Variants in IRAK3 observed in about 807,000 individuals in gnomAD.
IRAK3 encodes the protein interleukin 1 receptor associated kinase 3.
Under a neutral mutation model 56.6 loss-of-function variants are expected in IRAK3, and 57 were observed. The ratio of observed to expected loss-of-function variants is 1.01; its 90% CI spans 0.81 to 1.26. IRAK3 has a LOEUF of 1.26. Among genes scored for constraint, IRAK3 ranks in the 50% most tolerant of loss-of-function variants. The pLI, the probability that IRAK3 is intolerant of heterozygous loss-of-function variation, is 0.00. For missense variants in IRAK3, 703 were observed against 719.0 expected (o/e 0.98, Z 0.25); for synonymous variants, 258 against 255.7 (o/e 1.01, Z -0.09).
At chr12:66,228,110 GT>G in intron 7 of IRAK3, 141 bp from the exon 8 acceptor site, 1 of 768,488 alleles carries the variant, frequency 1.3e-6, no homozygotes, top group Non-Finnish European at 2.4e-6. Context: ...TTAAAAATAG[GT>G]TTTGGAAAAC....
chr12:66,230,278 G>A (rs1402356267), intron 8 of IRAK3, among the ~76,000 whole-genome samples: 19 of 152,222 alleles, frequency 1.2e-4, no homozygotes, highest in Non-Finnish European at 7.3e-5. Context: ...CAGGAAGTGG[G>A]CTCAGAAGCA....
Position 66,244,554 on chromosome 12 carries a change from C to T in IRAK3, c.956C>T (p.Ser319Phe). ...LTDFAMAHFRSHLEHQSCTIN... is the reference protein window; with the variant it reads ...LTDFAMAHFRFHLEHQSCTIN... ...GATTTTGCCATGGCACACTTCCGGT[C>T]CCACCTAGAACATCAGAGTTGTACC... The change falls in exon 9 of 12, where the codon TCC (serine) becomes TTC (phenylalanine). Residue 319 changes from serine to phenylalanine, a missense_variant. Ser to Phe is a radical substitution (Grantham distance 155, BLOSUM62 -2). Transcript: ENST00000261233. 6.2e-7 allele frequency: 1 copy of T among 1,613,898 alleles called. No homozygotes were observed. The highest frequency in any genetic ancestry group is 8.5e-7 in the Non-Finnish European group (1 of 1,179,854).
At chr12:66,206,635 G>A (rs528583365) in intron 2 of IRAK3, among the ~76,000 whole-genome samples, 1 of 152,236 alleles carries the variant, frequency 6.6e-6, no homozygotes, top group Admixed American at 6.5e-5. Flanking sequence ...ATTTTGTTGA[G>A]GATTTTTGCA....
intron 1 of IRAK3, among the ~76,000 whole-genome samples, chr12:66,189,861 C>T (rs1372384905): frequency 6.6e-6 from 1 of 152,190 alleles, no homozygotes; most frequent in Non-Finnish European, 1.5e-5. Flanking sequence ...CATCCCTAAG[C>T]CCCTAACTTA....
chr12:66,191,007 G>A (rs1419995606), intron 1 of IRAK3, among the ~76,000 whole-genome samples: 2 of 152,166 alleles, frequency 1.3e-5, no homozygotes, highest in African/African-American at 4.8e-5. Flanking sequence ...AATGAATGAG[G>A]ACCACCCAAA....
At chr12:66,206,991 A>G (rs1323899658) in intron 2 of IRAK3, among the ~76,000 whole-genome samples, 1 of 152,170 alleles carries the variant, frequency 6.6e-6, no homozygotes, top group Admixed American at 6.6e-5. Flanking sequence ...TTTTTGGCAT[A>G]TCATTGTTCA....
At position 66,248,401 on chromosome 12, in the gene IRAK3, G is replaced by A. The variant is rs1215376814; in HGVS notation, c.*230G>A. 4.4e-6 allele frequency: 2 copies of A among 453,204 alleles called. No homozygotes were observed. Among genetic ancestry groups the A allele is most frequent in the African/African-American group, 2.0e-5 (1 of 50,986 alleles). The allele number at this position is 453,204 out of a possible 1,614,324, so 28.1% of individuals were successfully genotyped here. A position where few individuals can be genotyped will look rare whatever the true frequency, so the allele number is the denominator to read the frequency against. The stretch of plus-strand genomic sequence containing the variant: ...ATAATTGTCTCATGACCAAATCCAC[G>A]CTCAATTAGAGCCATTCAAAATTCC... On this transcript the variant is annotated 3_prime_UTR_variant, in exon 12 of 12. Coordinates refer to ENST00000261233, the MANE Select transcript of IRAK3 (RefSeq NM_007199.3).
chr12:66,204,667 CTT>C (rs1283073511), intron 2 of IRAK3, among the ~76,000 whole-genome samples: 1 of 152,084 alleles, frequency 6.6e-6, no homozygotes, highest in African/African-American at 2.4e-5. Context: ...ATTGGAAACT[CTT>C]TTGAATCAAC....
In IRAK3 at chr12:66,250,504, C is replaced by A. The variant is rs1420120621; in HGVS notation, c.*2333C>A. 2 of 152,092 alleles carry A rather than the reference C, an allele frequency of 1.3e-5. No individual in the cohort carries two copies. The highest frequency in any genetic ancestry group is 1.3e-4 in the Admixed American group (2 of 15,262). 9.4% of individuals were successfully genotyped at this position (152,092 alleles called of 1,614,324 possible). On this transcript the variant is annotated 3_prime_UTR_variant, in exon 12 of 12. Coordinates refer to ENST00000261233, the MANE Select transcript of IRAK3 (RefSeq NM_007199.3). ...TCTGACTGACAGGCTTTATACAGGC[C>A]CTCGGTAAGCAGTTGGGAGAACCCA...
intron 1 of IRAK3, 49 bp downstream of exon 1, chr12:66,189,481 G>T (rs1314645381): frequency 1.8e-6 from 2 of 1,119,910 alleles, no homozygotes; most frequent in East Asian, 4.6e-5. Flanking sequence ...CCAGCGCGCC[G>T]CGGGGCCCGC....
chr12:66,240,197 A>C (rs76302676), intron 8 of IRAK3, among the ~76,000 whole-genome samples: 1 of 152,340 alleles, frequency 6.6e-6, no homozygotes, highest in East Asian at 1.9e-4. Flanking sequence ...TAATACTGGT[A>C]AGAACCCCGT....
At chr12:66,245,716 A>G (rs1192414407) in intron 11 of IRAK3, among the ~76,000 whole-genome samples, 2 of 151,734 alleles carry the variant, frequency 1.3e-5, no homozygotes, top group Non-Finnish European at 2.9e-5. Context: ...TATTTTTAAT[A>G]GAGGCGGGGT....
chr12:66,211,468 C>T lies in IRAK3; in HGVS notation c.459C>T (p.Ile153=). The part of the protein sequence containing the change: ...NEKGILLKSS[I]SFQNIIEGTR... ...AAGGAATACTGCTTAAATCTTCCAT[C>T]AGCTTTCAAAATATCATAGAAGGAA... The change falls in exon 5 of 12, where the codon ATC becomes ATT. Residue 153 remains isoleucine, a synonymous_variant. Transcript: ENST00000261233. 6.3e-7 allele frequency: 1 copy of T among 1,599,834 alleles called. No homozygotes were observed. Among genetic ancestry groups the T allele is most frequent in the Non-Finnish European group, 8.6e-7 (1 of 1,166,830 alleles).
At position 66,254,498 on chromosome 12, in the gene IRAK3, T is replaced by A. The variant is rs1406887674; in HGVS notation, c.*6327T>A. 1.3e-5 allele frequency: 2 copies of A among 151,954 alleles called. No individual in the cohort carries two copies. The highest frequency in any genetic ancestry group is 4.8e-5 in the African/African-American group (2 of 41,292). The allele number at this position is 151,954 out of a possible 1,614,324, so 9.4% of individuals were successfully genotyped here. On this transcript the variant is annotated 3_prime_UTR_variant, in exon 12 of 12. Coordinates refer to ENST00000261233, the MANE Select transcript of IRAK3 (RefSeq NM_007199.3). ...GAGATCTTCACCAAATGTTAAGGAT[T>A]TTTTTTTCTGGGCTGTGGTATTTGG... is the stretch of plus-strand genomic sequence containing the variant.
intron 8 of IRAK3, among the ~76,000 whole-genome samples, chr12:66,235,530 G>A (rs1158199565): frequency 7.2e-5 from 11 of 151,918 alleles, no homozygotes; most frequent in Admixed American, 7.2e-4. Context: ...GGCAGCCGCC[G>A]CTCTGCGTGC....
At chr12:66,246,953 C>T (rs2053039245) in intron 11 of IRAK3, among the ~76,000 whole-genome samples, 1 of 152,052 alleles carries the variant, frequency 6.6e-6, no homozygotes, top group South Asian at 2.1e-4. Flanking sequence ...AAGGGATATG[C>T]ACTTTAAAAG....
intron 7 of IRAK3, among the ~76,000 whole-genome samples, chr12:66,227,772 A>G (rs1592594524): frequency 6.6e-6 from 1 of 151,768 alleles, no homozygotes. Context: ...AAAAAAAAAA[A>G]AAAAAAGAGA....
intron 5 of IRAK3, among the ~76,000 whole-genome samples, chr12:66,215,820 A>ACACACG: frequency 6.8e-6 from 1 of 148,142 alleles, no homozygotes; most frequent in African/African-American, 2.6e-5. Flanking sequence ...ACACACACAC[A>ACACACG]CACACACACT....
intron 1 of IRAK3, among the ~76,000 whole-genome samples, chr12:66,191,221 A>G (rs1332921077): frequency 6.6e-6 from 1 of 152,166 alleles, no homozygotes; most frequent in Admixed American, 6.5e-5. Flanking sequence ...TTAGGGGTAC[A>G]TAATTGGCTT....
Sources: allele counts gnomAD v4.1 joint callset (sites outside exome capture counted in the v4.1 genomes callset), GRCh38; gene constraint gnomAD v4.1.1; transcripts MANE v1.5; gene names NCBI Gene and HGNC (gene_info 2026-07-23, HGNC 2026-07-21).